BMP8B: variants seen among roughly 807,000 people sequenced by gnomAD.
The protein encoded by BMP8B is bone morphogenetic protein 8b.
In BMP8B, 17 loss-of-function variants were observed where a neutral mutation model predicts 30.3. The ratio of observed to expected loss-of-function variants is 0.56; its 90% CI spans 0.38 to 0.84. The LOEUF (loss-of-function observed/expected upper bound fraction) is 0.84, where lower values mean the gene tolerates loss of function less well. Among genes scored for constraint, BMP8B ranks in the 40% least tolerant of loss-of-function variants. The pLI, the probability that BMP8B is intolerant of heterozygous loss-of-function variation, is 0.00. For synonymous variants in BMP8B, 131 were observed against 214.7 expected, an observed-to-expected ratio of 0.61 and a Z score of 3.41; for missense variants, 253 against 494.6, an observed-to-expected ratio of 0.51 and a Z score of 4.63.
chr1:39,763,948 C>T, intron 4 of BMP8B, 157 bp from the exon 5 acceptor site: 2 of 996,376 alleles, frequency 2.0e-6, no homozygotes, highest in Admixed American at 5.6e-5. Context: ...TGGAACTCTG[C>T]TTGTACCATG....
At chr1:39,770,743 G>T in intron 3 of BMP8B, 2 of 1,018,862 alleles carry the variant, frequency 2.0e-6, no homozygotes, top group Non-Finnish European at 1.4e-6. Context: ...TGTAGCGGAT[G>T]GGGGCGCCCC....
At chr1:39,769,749 A>T in intron 3 of BMP8B, 2 of 1,610,808 alleles carry the variant, frequency 1.2e-6, no homozygotes, top group Non-Finnish European at 1.7e-6. Context: ...GACACAGCAA[A>T]GGCACACCCC....
intron 1 of BMP8B, among the ~76,000 whole-genome samples, chr1:39,787,484 G>A (rs577428171): frequency 4.6e-5 from 7 of 152,310 alleles, no homozygotes; most frequent in Non-Finnish European, 7.3e-5. Context: ...AGGAAAAGCC[G>A]GGCTTTGCCT....
rs1253018644 is a variant in BMP8B, at chr1:39,772,866, GTTCT to G, written c.673+1438_673+1441del. ...CTGCTCTCTCCACTGAAGTCAGGGG[GTTCT>G]TTATTTTATGCATATATTAAGTTTT... On this transcript the variant is annotated intron_variant, in intron 3 of 6. Transcript: ENST00000372827. 3.4e-4 allele frequency among the ~76,000 whole-genome samples: 47 copies of G among 138,622 alleles called. No homozygotes were observed. In the East Asian group the frequency reaches 3.8e-3, roughly 11 times the overall value. 90.9% of individuals were successfully genotyped at this position (138,622 alleles called of 152,430 possible). A position where few individuals can be genotyped will look rare whatever the true frequency, so the allele number is the denominator to read the frequency against.
chr1:39,783,532 G>C (rs971383667), intron 1 of BMP8B, among the ~76,000 whole-genome samples: 1 of 152,300 alleles, frequency 6.6e-6, no homozygotes, highest in African/African-American at 2.4e-5. Flanking sequence ...TGACTTTTAA[G>C]ATGGATAAAA....
chr1:39,787,692 G>T (rs540709228), intron 1 of BMP8B, among the ~76,000 whole-genome samples: 4 of 152,284 alleles, frequency 2.6e-5, no homozygotes, highest in Admixed American at 2.6e-4. Context: ...AGAAGAGCCT[G>T]CTGTGGACTC....
chr1:39,760,524 T>C lies in BMP8B; in HGVS notation c.1104A>G (p.Ala368=). 1 of 1,614,016 alleles carries C rather than the reference T, an allele frequency of 6.2e-7. No homozygotes were observed. The highest frequency in any genetic ancestry group is 2.2e-5 in the East Asian group (1 of 44,858). ...CAGAGGTGGCGCTCAGCTTGGTGGG[T>C]GCACAGCACGCCTTGGGGACTGCGT... The part of the protein sequence containing the change: ...MPDAVPKACC[A]PTKLSATSVL... Residue 368 remains alanine, a synonymous_variant, in exon 7 of 7, where the codon GCA becomes GCG. Transcript: ENST00000372827.
chr1:39,769,161 T>A (rs1242767643), intron 3 of BMP8B, among the ~76,000 whole-genome samples: 1 of 150,182 alleles, frequency 6.7e-6, no homozygotes, highest in Non-Finnish European at 1.5e-5. Context: ...CATTCCAGCC[T>A]GAGCGACAGA....
rs373371425 is a variant in BMP8B, at chr1:39,763,739, G to A, written c.921C>T (p.Tyr307=). ...GRQVCRRHEL[Y]VSFQDLGWLD... Reference sequence around the variant, plus strand: ...GCCAGCCGAGGTCCTGGAAGCTGACGTAGAGCTCGTGCCGACGGCAGACCT... The same window carrying A: ...GCCAGCCGAGGTCCTGGAAGCTGACATAGAGCTCGTGCCGACGGCAGACCT... The change falls in exon 5 of 7, where the codon TAC becomes TAT. Residue 307 remains tyrosine (Y), a synonymous_variant. Coordinates refer to ENST00000372827, the MANE Select transcript of BMP8B (RefSeq NM_001720.5). The A allele has an allele frequency of 7.8e-5, 125 of 1,603,344 alleles. No homozygotes were observed. Among genetic ancestry groups the A allele is most frequent in the Admixed American group, 1.8e-4 (11 of 59,694 alleles).
At chr1:39,769,324 G>T (rs1649789770) in intron 3 of BMP8B, among the ~76,000 whole-genome samples, 1 of 150,360 alleles carries the variant, frequency 6.7e-6, no homozygotes, top group Non-Finnish European at 1.5e-5. Context: ...TGTACTCTGG[G>T]TTGAGTGATT....
intron 1 of BMP8B, among the ~76,000 whole-genome samples, chr1:39,785,512 G>A (rs989352368): frequency 6.6e-6 from 1 of 152,234 alleles, no homozygotes; most frequent in Non-Finnish European, 1.5e-5. Context: ...GGAGGCCTAT[G>A]AGAGCCCCGC....
intron 1 of BMP8B, among the ~76,000 whole-genome samples, chr1:39,784,172 A>C (rs1650833328): frequency 6.6e-6 from 1 of 152,308 alleles, no homozygotes; most frequent in East Asian, 1.9e-4. Context: ...CAATTGTGAG[A>C]TACCAATGAA....
Position 39,788,791 on chromosome 1 carries a change from C to A in BMP8B, c.-306G>T. The A allele has an allele frequency of 6.4e-6, 1 of 155,400 alleles. No homozygotes were observed. Among genetic ancestry groups the A allele is most frequent in the Non-Finnish European group, 1.4e-5 (1 of 71,058 alleles). The allele number at this position is 155,400 out of a possible 1,614,324, so 9.6% of individuals were successfully genotyped here. On this transcript the variant is annotated 5_prime_UTR_variant, in exon 1 of 7. Transcript: ENST00000372827. The surrounding 1 kb of genome is among the most constrained non-coding windows in gnomAD (Gnocchi z 5.8). ...GCCGTACCCGCCAGTCCGGCTGTGG[C>A]CGCGGTCCGAGCAGCGCAGGGGCGA...
chr1:39,776,338 G>A (rs1650230999), intron 1 of BMP8B, among the ~76,000 whole-genome samples: 1 of 152,222 alleles, frequency 6.6e-6, no homozygotes, highest in African/African-American at 2.4e-5. Flanking sequence ...TCAAACTCTA[G>A]AAATCTGTGT....
intron 1 of BMP8B, among the ~76,000 whole-genome samples, chr1:39,784,740 G>A (rs1200475822): frequency 8.3e-6 from 1 of 120,086 alleles, no homozygotes; most frequent in Non-Finnish European, 1.9e-5. Context: ...AGCAGGACCC[G>A]GGCCAGGTCC....
At chr1:39,764,590 C>T in intron 4 of BMP8B, 33 bp downstream of exon 4, 2 of 1,590,372 alleles carry the variant, frequency 1.3e-6, no homozygotes, top group South Asian at 1.1e-5. Flanking sequence ...CAGAAGCCCA[C>T]AGGGCCTCGG....
intron 3 of BMP8B, chr1:39,770,676 C>T (rs1319359418): frequency 7.1e-7 from 1 of 1,403,072 alleles, no homozygotes; most frequent in Non-Finnish European, 9.6e-7. Context: ...AAGTGGTCGC[C>T]GTTGAACTCC....
chr1:39,769,155 C>T (rs1047813141), intron 3 of BMP8B, among the ~76,000 whole-genome samples: 6 of 150,072 alleles, frequency 4.0e-5, no homozygotes, highest in Non-Finnish European at 8.9e-5. Context: ...CCATTGCATT[C>T]CAGCCTGAGC....
intron 1 of BMP8B, among the ~76,000 whole-genome samples, chr1:39,787,115 T>G (rs1293727960): frequency 1.3e-5 from 2 of 152,218 alleles, no homozygotes; most frequent in Non-Finnish European, 2.9e-5. Context: ...GGCATGGCGC[T>G]GCCTCTCTGA....
Sources: gnomAD v4.1 joint callset for allele counts (sites outside exome capture counted in the v4.1 genomes callset) on GRCh38, gnomAD v4.1.1 for gene constraint, Gnocchi (gnomAD v3.1) non-coding constraint, MANE v1.5 for transcripts, NCBI Gene and HGNC (gene_info 2026-07-23, HGNC 2026-07-21) for gene names.